NIN: variants seen among roughly 807,000 people sequenced by gnomAD.
NIN encodes the protein glycogen synthase kinase 3 beta-interacting protein.
In NIN, 137 loss-of-function variants were observed where a neutral mutation model predicts 257.6. That is an observed-to-expected ratio of 0.53 (90% CI 0.46 to 0.61). NIN has a LOEUF of 0.61. Ranked by LOEUF, NIN falls within the 20% of genes least tolerant of loss-of-function variation. The pLI is 0.00. For missense variants in NIN, 2,439 were observed against 2,501.2 expected (o/e 0.98, Z 0.53); for synonymous variants, 918 against 919.8 (o/e 1.00, Z 0.04).
At chr14:50,735,743 G>A in intron 27 of NIN, 126 bp from the exon 28 acceptor site, 1 of 1,225,990 alleles carries the variant, frequency 8.2e-7, no homozygotes, top group Non-Finnish European at 1.1e-6. Flanking sequence ...AGTTAATTCA[G>A]TGACAAACAA....
chr14:50,738,117 G>T (rs758634039), intron 27 of NIN, 23 bp downstream of exon 27: 2 of 1,611,472 alleles, frequency 1.2e-6, no homozygotes, highest in Non-Finnish European at 1.7e-6. Flanking sequence ...ACAGATGTAC[G>T]CCATATATTC....
rs755468803 is a variant in NIN at position 50,770,839 on chromosome 14, C to T, written c.1259+13G>A. The T allele has an allele frequency of 1.2e-6, 2 of 1,609,840 alleles. No individual in the cohort carries two copies. The highest frequency in any genetic ancestry group is 4.5e-5 in the East Asian group (2 of 44,856). On this transcript the variant is annotated intron_variant, in intron 11 of 30. Transcript: ENST00000530997. ...GTGGTGGGTGAGGAGGAGCCTCACT[C>T]TGCTGGCCTCACCTGAGGTTGTACT... is the stretch of plus-strand genomic sequence containing the variant.
At chr14:50,754,698 G>A (rs758977930) in intron 19 of NIN, 44 bp downstream of exon 19, 2 of 1,580,428 alleles carry the variant, frequency 1.3e-6, no homozygotes, top group Non-Finnish European at 1.7e-6. Flanking sequence ...AAGAATTTTA[G>A]TCTTTGCAAA....
intron 22 of NIN, 50 bp from the exon 23 acceptor site, chr14:50,744,415 G>A: frequency 6.3e-7 from 1 of 1,587,236 alleles, no homozygotes; most frequent in South Asian, 1.1e-5. Context: ...ATGGCTGTAA[G>A]TACAAAGGGG....
At chr14:50,752,158 G>GTTTTTTTT (rs4027697) in intron 21 of NIN, among the ~76,000 whole-genome samples, 1 of 148,630 alleles carries the variant, frequency 6.7e-6, no homozygotes. Flanking sequence ...TATTTGTATA[G>GTTTTTTTT]TTTTTTTTTT....
chr14:50,828,975 A>G (rs143530561), intron 2 of NIN, among the ~76,000 whole-genome samples: 10 of 152,322 alleles, frequency 6.6e-5, no homozygotes, highest in Admixed American at 5.2e-4. Flanking sequence ...TGCAGACTGT[A>G]TGATGGCTTC....
intron 21 of NIN, 87 bp from the exon 22 acceptor site, chr14:50,748,192 A>G (rs1183860456): frequency 1.3e-6 from 1 of 781,514 alleles, no homozygotes; most frequent in Admixed American, 2.2e-5. Context: ...CATATTAAGG[A>G]AACAGTAATA....
chr14:50,735,719 T>G, intron 27 of NIN, 102 bp from the exon 28 acceptor site: 1 of 1,412,516 alleles, frequency 7.1e-7, no homozygotes, highest in Non-Finnish European at 9.3e-7. Flanking sequence ...ATCTCAACTC[T>G]TGGAAGAAAG....
At position 50,726,828 on chromosome 14, in the gene NIN, G is replaced by A. The variant is rs2040430523; in HGVS notation, c.6079-762C>T. On this transcript the variant is annotated intron_variant, in intron 29 of 30. Transcript: ENST00000530997. ...GCAGTCCACCAAAATGTCCCCATAAGGAATTTCAGATTTCATAAAGGTATT... is the reference window on the plus strand; with the variant it reads ...GCAGTCCACCAAAATGTCCCCATAAAGAATTTCAGATTTCATAAAGGTATT... Among the ~76,000 whole-genome samples, 3 of 152,230 alleles carry A rather than the reference G, an allele frequency of 2.0e-5. No individual in the cohort carries two copies. In the South Asian group the frequency reaches 6.2e-4, roughly 32 times the overall value.
Position 50,827,660 on chromosome 14 carries a change from G to C in NIN, c.-22+2804C>G, listed in dbSNP as rs1319294295. Among the ~76,000 whole-genome samples, 4 of 150,716 alleles carry C rather than the reference G, an allele frequency of 2.7e-5. No homozygotes were observed. In the East Asian group the frequency reaches 7.8e-4, roughly 29 times the overall value. ...TAATCCCAGCTACTCGGGAGGCTGA[G>C]GCAGAAGTGTTGCTTGAACCTGGGA... On this transcript the variant is annotated intron_variant, in intron 2 of 30. Coordinates refer to ENST00000530997, the MANE Select transcript of NIN (RefSeq NM_020921.4).
At position 50,733,755 on chromosome 14, in the gene NIN, G is replaced by A. The variant is rs1162527666; in HGVS notation, c.5877+1761C>T. ...AGTTTTAGACATCTTATTCCTCAGA[G>A]TATATAATTATATTTCATCAGAAAA... On this transcript the variant is annotated intron_variant, in intron 28 of 30. Transcript: ENST00000530997. Among the ~76,000 whole-genome samples, 3 of 152,048 alleles carry A rather than the reference G, an allele frequency of 2.0e-5. No individual in the cohort carries two copies. The East Asian group carries it at 5.8e-4, about 29-fold the overall frequency.
intron 4 of NIN, among the ~76,000 whole-genome samples, chr14:50,793,226 G>A (rs2043678637): frequency 1.3e-5 from 2 of 151,988 alleles, no homozygotes; most frequent in African/African-American, 2.4e-5. Context: ...AGGATGGGGA[G>A]ACATCATATT....
rs898414958 is a variant in NIN, at chr14:50,729,561, C to T, written c.6040G>A (p.Glu2014Lys). 6.2e-7 allele frequency: 1 copy of T among 1,613,764 alleles called. No individual in the cohort carries two copies. The highest frequency in any genetic ancestry group is 8.5e-7 in the Non-Finnish European group (1 of 1,179,898). Reference protein sequence around the residue: ...AERINQHLQEELENRTSETNT... With the variant: ...AERINQHLQEKLENRTSETNT... ...GTTTCGGAGGTCCTGTTTTCAAGTT[C>T]CTCCTGCAGGTGCTGGTTTATCCTT... is the stretch of plus-strand genomic sequence containing the variant. The change falls in exon 29 of 31, where the codon GAA (glutamate) becomes AAA (lysine). Residue 2014 changes from glutamate to lysine, a missense_variant. Physicochemically the swap from Glu to Lys is moderately conservative, Grantham distance 56. Around this residue, in one of 3 missense-constraint regions of NIN, gnomAD observed 2,043 missense variants for 2,050.2 expected, o/e 1.00. Coordinates refer to ENST00000530997, the MANE Select transcript of NIN (RefSeq NM_020921.4).
intron 6 of NIN, among the ~76,000 whole-genome samples, chr14:50,778,361 G>T (rs1234451944): frequency 2.0e-5 from 3 of 152,012 alleles, no homozygotes; most frequent in African/African-American, 7.2e-5. Flanking sequence ...TAGAGACGGG[G>T]TATGCCATGT....
At chr14:50,798,742 C>G (rs2043952455) in intron 4 of NIN, among the ~76,000 whole-genome samples, 1 of 152,196 alleles carries the variant, frequency 6.6e-6, no homozygotes, top group African/African-American at 2.4e-5. Context: ...AACCGTTTCT[C>G]CTCTACATTT....
At chr14:50,740,674 G>A (rs774368097) in intron 25 of NIN, among the ~76,000 whole-genome samples, 4 of 151,996 alleles carry the variant, frequency 2.6e-5, no homozygotes, top group Non-Finnish European at 5.9e-5. Context: ...TAGAGACAGG[G>A]TTTCGCCATG....
At chr14:50,752,385 CTTATCTA>C (rs1323268541) in intron 21 of NIN, 126 bp downstream of exon 21, 16 of 655,286 alleles carry the variant, frequency 2.4e-5, no homozygotes, top group Non-Finnish European at 4.2e-5. Flanking sequence ...CACTTACCTA[CTTATCTA>C]TTCATGTGCC....
chr14:50,820,617 C>T (rs2045166071), intron 3 of NIN, among the ~76,000 whole-genome samples: 1 of 152,062 alleles, frequency 6.6e-6, no homozygotes, highest in Non-Finnish European at 1.5e-5. Context: ...GCAAATGGTT[C>T]AATCTTCGAA....
rs2045239015 is a variant in NIN, at chr14:50,821,861, C to T, written c.183+13G>A. On this transcript the variant is annotated intron_variant, in intron 3 of 30. Coordinates refer to ENST00000530997, the MANE Select transcript of NIN (RefSeq NM_020921.4). ...CCCCACTTCCCATAGCCACGTTCTT[C>T]CCCAGACCTTACCCTGCCCAAGAGG... is the stretch of plus-strand genomic sequence containing the variant. 2 of 1,609,050 alleles carry T rather than the reference C, an allele frequency of 1.2e-6. No homozygotes were observed. Among genetic ancestry groups the T allele is most frequent in the African/African-American group, 2.7e-5 (2 of 74,982 alleles).
Sources: allele counts gnomAD v4.1 joint callset (sites outside exome capture counted in the v4.1 genomes callset), GRCh38; gene constraint gnomAD v4.1.1; regional missense constraint gnomAD v4.1.1; transcripts MANE v1.5; gene names NCBI Gene and HGNC (gene_info 2026-07-23, HGNC 2026-07-21).